The following CPNE4 variants were observed in gnomAD, a reference collection of about 807,000 sequenced individuals.
CPNE4 encodes copine-4.
CPNE4 carries 25 observed loss-of-function variants against 67.9 expected under a neutral mutation model. The ratio of observed to expected loss-of-function variants is 0.37; its 90% CI spans 0.27 to 0.51. The LOEUF (loss-of-function observed/expected upper bound fraction) is 0.51, where lower values mean the gene tolerates loss of function less well. CPNE4 is among the 20% of genes least tolerant of loss of function. The pLI is 0.93. For missense variants in CPNE4, 464 were observed against 690.8 expected, an observed-to-expected ratio of 0.67 and a Z score of 3.68; for synonymous variants, 242 against 244.9, an observed-to-expected ratio of 0.99 and a Z score of 0.11.
At position 131,575,779 on chromosome 3, in the gene CPNE4, T is replaced by C. The variant is rs3748810; in HGVS notation, c.868-649A>G. ...AGGTCAAGATCACAATGCTAATAAA[T>C]GGTAGAGTTGAGACTCAAATGATGC... On this transcript the variant is annotated intron_variant, in intron 9 of 15. Transcript: ENST00000429747. Among the ~76,000 whole-genome samples, 8 of 152,214 alleles carry C rather than the reference T, an allele frequency of 5.3e-5. No homozygotes were observed. The East Asian group carries it at 1.5e-3, about 29-fold the overall frequency.
At chr3:131,978,670 A>G (rs1280587079) in intron 1 of CPNE4, among the ~76,000 whole-genome samples, 3 of 143,708 alleles carry the variant, frequency 2.1e-5, no homozygotes, top group African/African-American at 7.7e-5. Context: ...TACCTTTTGT[A>G]TTTTTTTGTT....
chr3:131,720,976 C>T (rs2081869124), intron 3 of CPNE4, among the ~76,000 whole-genome samples: 1 of 152,170 alleles, frequency 6.6e-6, no homozygotes, highest in Admixed American at 6.5e-5. Context: ...CTCTCACTCT[C>T]CCTTCAAGTC....
intron 7 of CPNE4, among the ~76,000 whole-genome samples, chr3:131,628,840 A>G (rs573338340): frequency 2.8e-4 from 25 of 88,924 alleles, no homozygotes; most frequent in Non-Finnish European, 5.2e-4. Context: ...GATCTTTTCA[A>G]AAAAAACCAG....
intron 1 of CPNE4, among the ~76,000 whole-genome samples, chr3:132,001,460 A>G (rs1919996): frequency 0.98 from 148,406 of 151,114 alleles, 72,922 homozygotes; most frequent in East Asian, 1. Flanking sequence ...GCATCACAAA[A>G]AAACTCAAAG....
chr3:131,824,359 C>G (rs2085074367), intron 2 of CPNE4, among the ~76,000 whole-genome samples: 2 of 152,178 alleles, frequency 1.3e-5, no homozygotes, highest in Non-Finnish European at 2.9e-5. Flanking sequence ...AAAGAACTAT[C>G]CATATCTAAC....
intron 8 of CPNE4, among the ~76,000 whole-genome samples, chr3:131,583,791 T>C (rs980688742): frequency 1.3e-5 from 2 of 152,186 alleles, no homozygotes; most frequent in Non-Finnish European, 2.9e-5. Context: ...GGCTATGCAC[T>C]TTACTTTCCC....
intron 2 of CPNE4, among the ~76,000 whole-genome samples, chr3:131,820,591 T>C (rs1223157758): frequency 6.6e-6 from 1 of 152,244 alleles, no homozygotes; most frequent in Non-Finnish European, 1.5e-5. Flanking sequence ...CTTTACTTAT[T>C]TTGCATTTGC....
chr3:131,679,447 G>A (rs9866079), intron 6 of CPNE4, among the ~76,000 whole-genome samples: 58,168 of 151,696 alleles, frequency 0.38, 13,132 homozygotes, highest in Middle Eastern at 0.53. Flanking sequence ...CTTTGATTTT[G>A]GTTATTTCTT....
intron 2 of CPNE4, among the ~76,000 whole-genome samples, chr3:131,884,080 A>G (rs2087784678): frequency 1.3e-5 from 2 of 152,226 alleles, no homozygotes; most frequent in African/African-American, 4.8e-5. Flanking sequence ...CCAATGTGTT[A>G]CACATTTATT....
chr3:131,671,629 C>T (rs1443700866), intron 6 of CPNE4, among the ~76,000 whole-genome samples: 2 of 152,058 alleles, frequency 1.3e-5, no homozygotes, highest in Non-Finnish European at 2.9e-5. Context: ...CTAGGAGCAC[C>T]TCCCCATTAG....
chr3:131,561,424 G>C (rs1936758239), intron 11 of CPNE4, among the ~76,000 whole-genome samples: 1 of 152,076 alleles, frequency 6.6e-6, no homozygotes, highest in East Asian at 2.0e-4. Flanking sequence ...GGTGGTCAAA[G>C]GCAGAGGAAA....
At chr3:131,911,751 C>G (rs979204540) in intron 1 of CPNE4, among the ~76,000 whole-genome samples, 3 of 152,060 alleles carry the variant, frequency 2.0e-5, no homozygotes, top group East Asian at 1.9e-4. Context: ...AAATTCCCAA[C>G]TTTTCACAAT....
intron 1 of CPNE4, among the ~76,000 whole-genome samples, chr3:132,015,999 A>G (rs9865586): frequency 0.085 from 12,949 of 152,316 alleles, 729 homozygotes; most frequent in Non-Finnish European, 0.12. Flanking sequence ...TTTGCTATGA[A>G]AACATCCAAA....
At position 131,862,855 on chromosome 3, in the gene CPNE4, C is replaced by T. The variant is rs527993718; in HGVS notation, c.180+42409G>A. Among the ~76,000 whole-genome samples, 8 of 151,954 alleles carry T rather than the reference C, an allele frequency of 5.3e-5. No homozygotes were observed. In the South Asian group the frequency reaches 1.0e-3, roughly 20 times the overall value. On this transcript the variant is annotated intron_variant, in intron 2 of 15. Transcript: ENST00000429747. The stretch of plus-strand genomic sequence containing the variant: ...GTATATCTCCTAATGCTATCCCTCC[C>T]CCATCCCCCCACCCCACAACAGGCC...
In CPNE4 at chr3:131,958,363, C is replaced by T. The variant is rs930306058; in HGVS notation, c.-1-52919G>A. On this transcript the variant is annotated intron_variant, in intron 1 of 15. Coordinates refer to ENST00000429747, the MANE Select transcript of CPNE4 (RefSeq NM_130808.3). The stretch of plus-strand genomic sequence containing the variant: ...TCACACCAATGGTCTCAGTGTGGTC[C>T]TTAAACCAGCTGCAGCAGCATCACT... 4.6e-5 allele frequency among the ~76,000 whole-genome samples: 7 copies of T among 152,110 alleles called. No individual in the cohort carries two copies. The East Asian group carries it at 5.8e-4, about 13-fold the overall frequency.
intron 2 of CPNE4, among the ~76,000 whole-genome samples, chr3:131,867,825 C>A (rs996384615): frequency 2.6e-5 from 4 of 152,048 alleles, no homozygotes; most frequent in African/African-American, 4.8e-5. Context: ...AGAGATGAAC[C>A]ATCTCTCTCT....
intron 2 of CPNE4, among the ~76,000 whole-genome samples, chr3:131,733,373 C>T (rs533560145): frequency 2.3e-4 from 35 of 152,342 alleles, no homozygotes; most frequent in African/African-American, 7.7e-4. Context: ...TTCTCTTCCT[C>T]CTCTTGTTAT....
chr3:131,765,139 T>C (rs532841548), intron 2 of CPNE4, among the ~76,000 whole-genome samples: 4 of 152,062 alleles, frequency 2.6e-5, no homozygotes, highest in Non-Finnish European at 5.9e-5. Context: ...GACATTAGGA[T>C]TGTTATGAGA....
intron 1 of CPNE4, among the ~76,000 whole-genome samples, chr3:131,993,460 G>T (rs2073215331): frequency 1.5e-5 from 1 of 65,284 alleles, no homozygotes; most frequent in Non-Finnish European, 3.0e-5. Context: ...CTGATTTCGT[G>T]TGCAGGAGTG....
Sources: gnomAD v4.1 joint callset for allele counts (sites outside exome capture counted in the v4.1 genomes callset) on GRCh38, gnomAD v4.1.1 for gene constraint, MANE v1.5 for transcripts, NCBI Gene and HGNC (gene_info 2026-07-23, HGNC 2026-07-21) for gene names.